The following LHFPL6 variants were observed in gnomAD, a reference collection of about 807,000 sequenced individuals.
LHFPL6 encodes the protein LHFPL tetraspan subfamily member 6 protein.
Under a neutral mutation model 20.6 loss-of-function variants are expected in LHFPL6, and 9 were observed. The ratio of observed to expected loss-of-function variants is 0.44; its 90% CI spans 0.26 to 0.76. LHFPL6 has a LOEUF of 0.76. LHFPL6 is among the 30% of genes least tolerant of loss of function. The probability of loss-of-function intolerance (pLI) is 0.20; values close to 1 mark genes in which losing one functional copy is unlikely to be tolerated. For missense variants in LHFPL6, 218 were observed against 253.5 expected (o/e 0.86, Z 0.95); for synonymous variants, 105 against 98.7 (o/e 1.06, Z -0.38).
At chr13:39,364,008 C>T (rs934218607) in intron 3 of LHFPL6, among the ~76,000 whole-genome samples, 2 of 152,290 alleles carry the variant, frequency 1.3e-5, no homozygotes, top group African/African-American at 4.8e-5. Context: ...AGATGTATAG[C>T]CTACTCCATT....
chr13:39,365,785 G>A (rs906941577), intron 3 of LHFPL6, among the ~76,000 whole-genome samples: 3 of 152,140 alleles, frequency 2.0e-5, no homozygotes, highest in Non-Finnish European at 4.4e-5. Flanking sequence ...TTCCATGGCA[G>A]GATTCTGTTC....
chr13:39,361,126 G>T lies in LHFPL6; in HGVS notation c.485-17072C>A, dbSNP rs1869857761. Reference sequence around the variant, plus strand: ...ACCAGTAGCTGGACTTGACACAAGGGTCAGCAGTGCTGAGCCCAAATTATA... The same window carrying T: ...ACCAGTAGCTGGACTTGACACAAGGTTCAGCAGTGCTGAGCCCAAATTATA... On this transcript the variant is annotated intron_variant, in intron 3 of 3. Transcript: ENST00000379589. 2.1e-5 allele frequency among the ~76,000 whole-genome samples: 2 copies of T among 96,436 alleles called. 1 individual carries two copies. The allele number at this position is 96,436 out of a possible 152,430, so 63.3% of individuals were successfully genotyped here.
chr13:39,562,327 A>AGT lies in LHFPL6; in HGVS notation c.385+38503_385+38504dup, dbSNP rs535364499. ...CCAGTGTGAGAAGAACCATGTTCTGAGTGTGTGTGTGTGTATATATATACA... is the reference window on the plus strand; with the variant it reads ...CCAGTGTGAGAAGAACCATGTTCTGAGTGTGTGTGTGTGTGTATATATATACA... On this transcript the variant is annotated intron_variant, in intron 2 of 3. Coordinates refer to ENST00000379589, the MANE Select transcript of LHFPL6 (RefSeq NM_005780.3). Among the ~76,000 whole-genome samples the AGT allele has an allele frequency of 9.6e-3, 1,370 of 143,114 alleles. 15 individuals are homozygous for AGT. The highest frequency in any genetic ancestry group is 0.014 in the Non-Finnish European group (923 of 64,640). 93.9% of individuals were successfully genotyped at this position (143,114 alleles called of 152,430 possible). A position where few individuals can be genotyped will look rare whatever the true frequency, so the allele number is the denominator to read the frequency against.
intron 2 of LHFPL6, among the ~76,000 whole-genome samples, chr13:39,443,718 C>A (rs953761416): frequency 1.3e-5 from 2 of 151,774 alleles, no homozygotes; most frequent in African/African-American, 4.8e-5. Context: ...TATAGATGGT[C>A]CCCAACTTAA....
chr13:39,434,034 T>C (rs1391553727), intron 2 of LHFPL6, among the ~76,000 whole-genome samples: 2 of 152,192 alleles, frequency 1.3e-5, no homozygotes, highest in African/African-American at 2.4e-5. Flanking sequence ...GCTTTTGGAT[T>C]CCTATTTTTC....
intron 2 of LHFPL6, among the ~76,000 whole-genome samples, chr13:39,577,130 C>T (rs892385084): frequency 1.3e-5 from 2 of 152,134 alleles, no homozygotes; most frequent in South Asian, 4.1e-4. Flanking sequence ...AATGATAACA[C>T]TTAGAAAAAT....
chr13:39,439,118 C>A (rs1375731247), intron 2 of LHFPL6, among the ~76,000 whole-genome samples: 1 of 152,200 alleles, frequency 6.6e-6, no homozygotes, highest in Non-Finnish European at 1.5e-5. Context: ...TGAGAGCAGC[C>A]AAGGGGGCTG....
chr13:39,369,588 T>TTCCCTCCCTCCC (rs1566095642), intron 3 of LHFPL6, among the ~76,000 whole-genome samples: 10 of 146,852 alleles, frequency 6.8e-5, no homozygotes, highest in Admixed American at 1.4e-4. Context: ...CCTTCCTTCC[T>TTCCCTCCCTCCC]TCCTTCCTTC....
chr13:39,475,798 G>A (rs937127587), intron 2 of LHFPL6, among the ~76,000 whole-genome samples: 25 of 152,140 alleles, frequency 1.6e-4, no homozygotes, highest in African/African-American at 5.6e-4. Flanking sequence ...TCAGTTATCG[G>A]TTCCAGTAAA....
chr13:39,371,312 A>G (rs1356496316), intron 3 of LHFPL6, among the ~76,000 whole-genome samples: 1 of 152,264 alleles, frequency 6.6e-6, no homozygotes, highest in African/African-American at 2.4e-5. Context: ...TATAATTAGA[A>G]AAGTCTTTGG....
At chr13:39,460,884 T>C (rs915813225) in intron 2 of LHFPL6, among the ~76,000 whole-genome samples, 2 of 152,238 alleles carry the variant, frequency 1.3e-5, no homozygotes, top group Non-Finnish European at 2.9e-5. Flanking sequence ...GTTTGTTACA[T>C]GGGTAAATTA....
chr13:39,425,625 T>A (rs1380181884), intron 2 of LHFPL6, among the ~76,000 whole-genome samples: 1 of 152,188 alleles, frequency 6.6e-6, no homozygotes, highest in Non-Finnish European at 1.5e-5. Context: ...TTCCCTAATA[T>A]CTAATGATGT....
chr13:39,436,467 C>G (rs905193928), intron 2 of LHFPL6, among the ~76,000 whole-genome samples: 1 of 152,152 alleles, frequency 6.6e-6, no homozygotes, highest in African/African-American at 2.4e-5. Context: ...AGAAACATCT[C>G]TTCCTTTTTC....
In LHFPL6 at chr13:39,423,422, CTTTT is replaced by C. The variant is rs562533121; in HGVS notation, c.386-44900_386-44897del. ...ACTCAGCTTGGGGAAAGAAAGGCTT[CTTTT>C]TTTTTTTATTTTTTGAGATGAAGTG... On this transcript the variant is annotated intron_variant, in intron 2 of 3. Coordinates refer to ENST00000379589, the MANE Select transcript of LHFPL6 (RefSeq NM_005780.3). 6.1e-5 allele frequency among the ~76,000 whole-genome samples: 9 copies of C among 146,800 alleles called. No individual in the cohort carries two copies. The East Asian group carries it at 1.8e-3, about 29-fold the overall frequency.
chr13:39,502,216 T>C (rs894259737), intron 2 of LHFPL6, among the ~76,000 whole-genome samples: 1 of 152,158 alleles, frequency 6.6e-6, no homozygotes, highest in Non-Finnish European at 1.5e-5. Context: ...GCTTGGCCAA[T>C]GCCTGACTGC....
chr13:39,497,732 G>C (rs552656797), intron 2 of LHFPL6, among the ~76,000 whole-genome samples: 98 of 152,240 alleles, frequency 6.4e-4, no homozygotes, highest in Middle Eastern at 3.4e-3. Context: ...CCAAAGATGG[G>C]GGGGAGGAAC....
intron 2 of LHFPL6, among the ~76,000 whole-genome samples, chr13:39,382,052 A>G (rs534869928): frequency 2.0e-5 from 3 of 152,252 alleles, no homozygotes; most frequent in East Asian, 3.9e-4. Context: ...TTACTTGTCT[A>G]CCTACTAAGT....
chr13:39,508,258 C>A (rs1869560706), intron 2 of LHFPL6, among the ~76,000 whole-genome samples: 1 of 152,106 alleles, frequency 6.6e-6, no homozygotes, highest in South Asian at 2.1e-4. Context: ...CTCCTGACCT[C>A]AGGTGATCCA....
At chr13:39,445,959 C>A (rs1872276551) in intron 2 of LHFPL6, among the ~76,000 whole-genome samples, 1 of 150,640 alleles carries the variant, frequency 6.6e-6, no homozygotes, top group African/African-American at 2.4e-5. Flanking sequence ...TTTCTCTCCA[C>A]AAAAAAGAGC....
Sources: gnomAD v4.1 joint callset for allele counts (sites outside exome capture counted in the v4.1 genomes callset) on GRCh38, gnomAD v4.1.1 for gene constraint, MANE v1.5 for transcripts, NCBI Gene and HGNC (gene_info 2026-07-23, HGNC 2026-07-21) for gene names.